Variants in RSBN1 observed in about 807,000 individuals in gnomAD.
The protein encoded by RSBN1 is round spermatid basic protein 1.
A neutral mutation model predicts 74.8 loss-of-function variants in RSBN1; 23 were observed. That is an observed-to-expected ratio of 0.31 (90% CI 0.22 to 0.44). The LOEUF (loss-of-function observed/expected upper bound fraction) is 0.44. RSBN1 is among the 20% of genes least tolerant of loss of function. The pLI, the probability that RSBN1 is intolerant of heterozygous loss-of-function variation, is 1.00. For missense variants in RSBN1, 808 were observed against 1,020.9 expected, an observed-to-expected ratio of 0.79 and a Z score of 2.84; for synonymous variants, 407 against 379.6, an observed-to-expected ratio of 1.07 and a Z score of -0.84.
In RSBN1 at chr1:113,812,039, A is replaced by G. The variant is rs1404211721; in HGVS notation, c.374T>C (p.Leu125Pro). 1 of 1,532,960 alleles carries G rather than the reference A, an allele frequency of 6.5e-7. No homozygotes were observed. Among genetic ancestry groups the G allele is most frequent in the East Asian group, 2.3e-5 (1 of 42,568 alleles). The allele number at this position is 1,532,960 out of a possible 1,614,324, so 95.0% of individuals were successfully genotyped here. A position where few individuals can be genotyped will look rare whatever the true frequency, so the allele number is the denominator to read the frequency against. The part of the protein sequence containing the change: ...RRRSRQHPGP[L>P]PPTNAAPTVP... ...AGTTGGGGCTGCATTCGTTGGCGGC[A>G]GCGGCCCAGGATGTTGGCGGCTGCG... The change falls in exon 1 of 7, where the codon CTG (leucine) becomes CCG (proline). Residue 125 changes from leucine (L) to proline (P), a missense_variant. By Grantham distance (98) the Leu-to-Pro change is moderately conservative (BLOSUM62 -3). Coordinates refer to ENST00000261441, the MANE Select transcript of RSBN1 (RefSeq NM_018364.5).
intron 2 of RSBN1, among the ~76,000 whole-genome samples, chr1:113,792,761 C>T (rs1660391397): frequency 6.6e-6 from 1 of 151,906 alleles, no homozygotes; most frequent in Admixed American, 6.6e-5. Flanking sequence ...ACTTCATGAT[C>T]ACACTTCAGC....
intron 1 of RSBN1, among the ~76,000 whole-genome samples, chr1:113,807,313 C>CAA (rs767306902): frequency 2.9e-5 from 2 of 69,982 alleles, no homozygotes; most frequent in Non-Finnish European, 5.8e-5. Context: ...GAATCCATCT[C>CAA]AAAAAAAAAA....
At chr1:113,785,096 T>C (rs1003391796) in intron 2 of RSBN1, among the ~76,000 whole-genome samples, 5 of 152,112 alleles carry the variant, frequency 3.3e-5, no homozygotes, top group Admixed American at 3.3e-4. Context: ...TTTACGTCCT[T>C]ATTCTGTAAG....
At chr1:113,801,537 T>C (rs1309709303) in intron 1 of RSBN1, among the ~76,000 whole-genome samples, 1 of 152,232 alleles carries the variant, frequency 6.6e-6, no homozygotes, top group Non-Finnish European at 1.5e-5. Context: ...ATTTAAAACG[T>C]TATTTGAAAG....
In RSBN1 at chr1:113,764,276, C is replaced by G. The variant is rs1436846828; in HGVS notation, c.*1704G>C. ...ACCTTATTTACAAAGATAACTAAAG[C>G]CAACATCACTTCCAATTCATAAATG... is the stretch of plus-strand genomic sequence containing the variant. On this transcript the variant is annotated 3_prime_UTR_variant, in exon 7 of 7. Coordinates refer to ENST00000261441, the MANE Select transcript of RSBN1 (RefSeq NM_018364.5). 5.2e-5 allele frequency: 8 copies of G among 152,756 alleles called. No individual in the cohort carries two copies. 9.5% of individuals were successfully genotyped at this position (152,756 alleles called of 1,614,324 possible).
rs1018044955 is a variant in RSBN1 at position 113,764,916 on chromosome 1, C to T, written c.*1064G>A. On this transcript the variant is annotated 3_prime_UTR_variant, in exon 7 of 7. Transcript: ENST00000261441. ...GCACTAAGCATTAGCCTACCTGAAACTCTAGGATGAAGTCTAGTGCTGTAT... is the reference window on the plus strand; with the variant it reads ...GCACTAAGCATTAGCCTACCTGAAATTCTAGGATGAAGTCTAGTGCTGTAT... 2 of 152,264 alleles carry T rather than the reference C, an allele frequency of 1.3e-5. No homozygotes were observed. Among genetic ancestry groups the T allele is most frequent in the African/African-American group, 2.4e-5 (1 of 41,434 alleles). 9.4% of individuals were successfully genotyped at this position (152,264 alleles called of 1,614,324 possible). A position where few individuals can be genotyped will look rare whatever the true frequency, so the allele number is the denominator to read the frequency against.
Position 113,764,110 on chromosome 1 carries a change from C to T in RSBN1, c.*1870G>A, listed in dbSNP as rs900451545. Reference sequence around the variant, plus strand: ...CACACTTTGTGATTAAACCCCTCCCCAACAAAATAACAAAAAACACCCTCA... The same window carrying T: ...CACACTTTGTGATTAAACCCCTCCCTAACAAAATAACAAAAAACACCCTCA... On this transcript the variant is annotated 3_prime_UTR_variant, in exon 7 of 7. Transcript: ENST00000261441. 1.1e-4 allele frequency: 17 copies of T among 152,424 alleles called. No homozygotes were observed. The highest frequency in any genetic ancestry group is 1.0e-3 in the Admixed American group (16 of 15,258). The allele number at this position is 152,424 out of a possible 1,614,324, so 9.4% of individuals were successfully genotyped here.
At chr1:113,787,048 T>C (rs758934048) in intron 2 of RSBN1, among the ~76,000 whole-genome samples, 4 of 152,236 alleles carry the variant, frequency 2.6e-5, no homozygotes, top group African/African-American at 4.8e-5. Context: ...AAAAAACAAC[T>C]ATTTCTATTT....
intron 2 of RSBN1, among the ~76,000 whole-genome samples, chr1:113,789,042 A>G (rs1229235784): frequency 6.6e-6 from 1 of 152,134 alleles, no homozygotes; most frequent in Non-Finnish European, 1.5e-5. Context: ...TAGGGCTCCT[A>G]AACTCCTTGT....
intron 1 of RSBN1, among the ~76,000 whole-genome samples, chr1:113,799,681 T>A (rs1660543295): frequency 6.6e-6 from 1 of 152,128 alleles, no homozygotes; most frequent in East Asian, 1.9e-4. Flanking sequence ...GAATTCTAAA[T>A]GTCTAGCTTT....
At chr1:113,788,395 T>C (rs1660301180) in intron 2 of RSBN1, among the ~76,000 whole-genome samples, 1 of 152,194 alleles carries the variant, frequency 6.6e-6, no homozygotes, top group African/African-American at 2.4e-5. Flanking sequence ...GTTTTATTTC[T>C]TGGGCCAGAG....
rs761692170 is a variant in RSBN1 at position 113,812,355 on chromosome 1, A to G, written c.58T>C (p.Cys20Arg). The G allele has an allele frequency of 1.8e-5, 29 of 1,603,376 alleles. No individual in the cohort carries two copies. Residue 20 changes from cysteine (C) to arginine (R), a missense_variant, in exon 1 of 7, where the codon TGC becomes CGC. By Grantham distance (180) the Cys-to-Arg change is radical. Coordinates refer to ENST00000261441, the MANE Select transcript of RSBN1 (RefSeq NM_018364.5). ...DKWRAEERLQ[C>R]PAGSARAALA... Reference sequence around the variant, plus strand: ...GCCGCCCGCGCACTGCCCGCTGGGCATTGGAGTCTCTCCTCCGCCCTCCAC... The same window carrying G: ...GCCGCCCGCGCACTGCCCGCTGGGCGTTGGAGTCTCTCCTCCGCCCTCCAC...
Position 113,812,084 on chromosome 1 carries a change from G to C in RSBN1, c.329C>G (p.Ala110Gly). 6.3e-7 allele frequency: 1 copy of C among 1,585,092 alleles called. No homozygotes were observed. Among genetic ancestry groups the C allele is most frequent in the South Asian group, 1.1e-5 (1 of 88,296 alleles). Residue 110 changes from alanine to glycine, a missense_variant, in exon 1 of 7, where the codon GCT becomes GGT. Around this residue, in one of 6 missense-constraint regions of RSBN1, gnomAD observed 464 missense variants for 401.0 expected, o/e 1.16. Transcript: ENST00000261441. ...RGRPSQEPPLAPPHRRRRSRQ... is the reference protein window; with the variant it reads ...RGRPSQEPPLGPPHRRRRSRQ... ...GCTGCGACGCCGCCGGTGAGGGGGAGCGAGAGGGGGCTCCTGGCTCGGCCG... is the reference window on the plus strand; with the variant it reads ...GCTGCGACGCCGCCGGTGAGGGGGACCGAGAGGGGGCTCCTGGCTCGGCCG...
intron 2 of RSBN1, among the ~76,000 whole-genome samples, chr1:113,790,127 T>C (rs778520190): frequency 6.6e-6 from 1 of 152,104 alleles, no homozygotes; most frequent in Non-Finnish European, 1.5e-5. Context: ...AAGCAGAAAT[T>C]CGCTTAATAT....
intron 2 of RSBN1, among the ~76,000 whole-genome samples, chr1:113,785,947 G>A (rs144169080): frequency 6.6e-6 from 1 of 152,196 alleles, no homozygotes; most frequent in Non-Finnish European, 1.5e-5. Context: ...TGAAAAGAAG[G>A]AAAGTTACCC....
intron 2 of RSBN1, among the ~76,000 whole-genome samples, chr1:113,784,981 T>A (rs1470188174): frequency 6.6e-6 from 1 of 152,216 alleles, no homozygotes; most frequent in African/African-American, 2.4e-5. Context: ...TAAATTAACT[T>A]TAGCTTACTG....
intron 4 of RSBN1, among the ~76,000 whole-genome samples, chr1:113,770,668 C>T (rs529611171): frequency 6.6e-6 from 1 of 152,066 alleles, no homozygotes; most frequent in Non-Finnish European, 1.5e-5. Flanking sequence ...ACAAGACTCA[C>T]CAAAATATAA....
intron 2 of RSBN1, among the ~76,000 whole-genome samples, chr1:113,788,926 T>C (rs892869487): frequency 2.0e-5 from 3 of 150,920 alleles, no homozygotes; most frequent in African/African-American, 7.3e-5. Context: ...TGTAACACCA[T>C]AATATTATAA....
intron 4 of RSBN1, among the ~76,000 whole-genome samples, chr1:113,771,488 CA>C (rs950635980): frequency 6.7e-6 from 1 of 148,564 alleles, no homozygotes; most frequent in African/African-American, 2.5e-5. Flanking sequence ...CACAGAGTTC[CA>C]AAAGATATCC....
Sources: allele counts gnomAD v4.1 joint callset (sites outside exome capture counted in the v4.1 genomes callset), GRCh38; gene constraint gnomAD v4.1.1; regional missense constraint gnomAD v4.1.1; transcripts MANE v1.5; gene names NCBI Gene and HGNC (gene_info 2026-07-23, HGNC 2026-07-21).